Variants in FBN2 observed in about 807,000 individuals in gnomAD.
FBN2 encodes the protein fibrillin 2.
Under a neutral mutation model 355.6 loss-of-function variants are expected in FBN2, and 105 were observed. That is an observed-to-expected ratio of 0.30 (90% CI 0.25 to 0.35). The LOEUF is 0.35. Among genes scored for constraint, FBN2 ranks in the 10% least tolerant of loss-of-function variants. The pLI is 1.00. For missense variants in FBN2, 3,280 were observed against 3,758.7 expected, an observed-to-expected ratio of 0.87 and a Z score of 3.33; for synonymous variants, 1,350 against 1,301.2, an observed-to-expected ratio of 1.04 and a Z score of -0.81.
At position 128,259,657 on chromosome 5, in the gene FBN2, C is replaced by T. The variant is rs200345491; in HGVS notation, c.8537G>A (p.Arg2846His). Residue 2846 changes from arginine to histidine, a missense_variant, in exon 65 of 65, where the codon CGC becomes CAC. Transcript: ENST00000262464. ...GCTGAGCCCATTCCTTTGGTGGATG[C>T]GGAAGACGCTGTCATCGTTCCCTTG... ...ISQGNDDSVFRIHQRNGLSYL... is the reference protein window; with the variant it reads ...ISQGNDDSVFHIHQRNGLSYL... The T allele has an allele frequency of 1.7e-4, 277 of 1,613,920 alleles. No individual in the cohort carries two copies. Among genetic ancestry groups the T allele is most frequent in the African/African-American group, 1.0e-3 (77 of 74,964 alleles).
chr5:128,512,128 G>C (rs1024188415), intron 5 of FBN2, among the ~76,000 whole-genome samples: 1 of 152,202 alleles, frequency 6.6e-6, no homozygotes, highest in East Asian at 1.9e-4. Flanking sequence ...CCCACAAAAG[G>C]TAAAATAGTG....
chr5:128,469,142 G>A (rs969103202), intron 5 of FBN2, among the ~76,000 whole-genome samples: 1 of 152,172 alleles, frequency 6.6e-6, no homozygotes, highest in Admixed American at 6.5e-5. Flanking sequence ...AAGAAAGTGA[G>A]AGAAGAGAGC....
intron 5 of FBN2, among the ~76,000 whole-genome samples, chr5:128,466,018 T>C (rs1481160175): frequency 2.0e-5 from 3 of 152,236 alleles, no homozygotes; most frequent in East Asian, 3.8e-4. Flanking sequence ...TTCTGCTCTA[T>C]CCTGCTTTCT....
intron 5 of FBN2, among the ~76,000 whole-genome samples, chr5:128,502,169 T>C (rs1462437822): frequency 1.4e-5 from 2 of 147,350 alleles, no homozygotes; most frequent in Non-Finnish European, 3.0e-5. Context: ...TACAGAAATA[T>C]GGAAGGAAAA....
chr5:128,374,709 G>C lies in FBN2; in HGVS notation c.2014C>G (p.His672Asp). Reference sequence around the variant, plus strand: ...AAGGACCCTTCACTGTTGATGCAGTGCCCATTCATGCAGATTCCTGGGGTC... The same window carrying C: ...AAGGACCCTTCACTGTTGATGCAGTCCCCATTCATGCAGATTCCTGGGGTC... The part of the protein sequence containing the change: ...CQTPGICMNG[H>D]CINSEGSFRC... The change falls in exon 15 of 65, where the codon CAC (histidine) becomes GAC (aspartate). Residue 672 changes from histidine to aspartate, a missense_variant. This residue lies in a region of FBN2 where 2,284 missense variants were observed against 2,749.5 expected (regional missense o/e 0.83). Transcript: ENST00000262464. 1 of 1,613,878 alleles carries C rather than the reference G, an allele frequency of 6.2e-7. No individual in the cohort carries two copies. Among genetic ancestry groups the C allele is most frequent in the South Asian group, 1.1e-5 (1 of 91,084 alleles).
chr5:128,521,335 G>C (rs529840695), intron 4 of FBN2, among the ~76,000 whole-genome samples: 1 of 152,230 alleles, frequency 6.6e-6, no homozygotes, highest in East Asian at 1.9e-4. Context: ...ATGGACACTG[G>C]GAGAGGAACA....
intron 62 of FBN2, among the ~76,000 whole-genome samples, chr5:128,269,025 GC>G (rs1561739195): frequency 6.6e-6 from 1 of 152,038 alleles, no homozygotes; most frequent in Admixed American, 6.6e-5. Context: ...TCTGGCCAGG[GC>G]AATCAGGCAA....
chr5:128,411,159 T>C (rs1014545217), intron 7 of FBN2, among the ~76,000 whole-genome samples: 2 of 151,858 alleles, frequency 1.3e-5, no homozygotes, highest in African/African-American at 4.8e-5. Flanking sequence ...CCAGGATGAG[T>C]GTTTCCGGAT....
At chr5:128,434,387 A>G (rs1347114068) in intron 7 of FBN2, among the ~76,000 whole-genome samples, 1 of 62,124 alleles carries the variant, frequency 1.6e-5, no homozygotes, top group Non-Finnish European at 2.7e-5. Flanking sequence ...GGCAGTGAAT[A>G]AAGTGTGTAT....
intron 34 of FBN2, among the ~76,000 whole-genome samples, chr5:128,327,017 C>T (rs1002904173): frequency 4.6e-5 from 7 of 152,318 alleles, no homozygotes; most frequent in African/African-American, 1.7e-4. Context: ...CCTGTTCCTT[C>T]TCCCACTAAC....
chr5:128,475,261 C>T (rs542923044), intron 5 of FBN2, among the ~76,000 whole-genome samples: 77 of 152,238 alleles, frequency 5.1e-4, no homozygotes, highest in Non-Finnish European at 9.3e-4. Context: ...TTTTATACAG[C>T]CTGAAAATGT....
intron 20 of FBN2, among the ~76,000 whole-genome samples, chr5:128,354,150 CTG>C (rs1200802655): frequency 2.6e-5 from 4 of 152,196 alleles, no homozygotes; most frequent in African/African-American, 9.7e-5. Flanking sequence ...AGGAGAAAGA[CTG>C]TTATTTTATG....
intron 58 of FBN2, among the ~76,000 whole-genome samples, chr5:128,277,640 G>C (rs568943806): frequency 1.3e-5 from 2 of 152,260 alleles, no homozygotes; most frequent in South Asian, 4.2e-4. Flanking sequence ...TTGACACATG[G>C]ATGTGGCACA....
intron 5 of FBN2, among the ~76,000 whole-genome samples, chr5:128,484,761 T>C (rs1313959825): frequency 2.0e-5 from 3 of 152,094 alleles, no homozygotes; most frequent in East Asian, 3.9e-4. Context: ...GAGAGAGGTA[T>C]GAAAGGTATG....
chr5:128,491,793 A>T (rs1007325330), intron 5 of FBN2, among the ~76,000 whole-genome samples: 6 of 152,200 alleles, frequency 3.9e-5, no homozygotes, highest in Non-Finnish European at 1.5e-5. Flanking sequence ...TCTTTGGATC[A>T]TGGGCATTTT....
At chr5:128,349,926 T>G in intron 22 of FBN2, 29 bp downstream of exon 22, 1 of 1,550,330 alleles carries the variant, frequency 6.5e-7, no homozygotes, top group Non-Finnish European at 8.9e-7. Flanking sequence ...AAAAGATGTA[T>G]AGTATCTTCC....
At chr5:128,513,149 T>C (rs1384393654) in intron 5 of FBN2, among the ~76,000 whole-genome samples, 1 of 152,208 alleles carries the variant, frequency 6.6e-6, no homozygotes, top group Non-Finnish European at 1.5e-5. Context: ...TTTTAATCTT[T>C]CCAACGAATC....
chr5:128,452,526 A>T (rs755401655), intron 6 of FBN2, among the ~76,000 whole-genome samples: 5 of 152,096 alleles, frequency 3.3e-5, no homozygotes, highest in Non-Finnish European at 7.4e-5. Context: ...TTATTAGATG[A>T]TATATTATTT....
intron 63 of FBN2, 34 bp from the exon 64 acceptor site, chr5:128,261,941 A>C: frequency 6.3e-7 from 1 of 1,584,348 alleles, no homozygotes; most frequent in South Asian, 1.1e-5. Flanking sequence ...GTTAGACTTT[A>C]TCACTGACTT....
Sources: gnomAD v4.1 joint callset for allele counts (sites outside exome capture counted in the v4.1 genomes callset) on GRCh38, gnomAD v4.1.1 for gene constraint, gnomAD v4.1.1 regional missense constraint, MANE v1.5 for transcripts, NCBI Gene and HGNC (gene_info 2026-07-23, HGNC 2026-07-21) for gene names.